Variants in SORCS2 observed in about 807,000 individuals in gnomAD.
SORCS2 encodes sortilin related VPS10 domain containing receptor 2.
SORCS2 carries 100 observed loss-of-function variants against 141.6 expected under a neutral mutation model. The ratio of observed to expected loss-of-function variants is 0.71; its 90% CI spans 0.60 to 0.83. The LOEUF (loss-of-function observed/expected upper bound fraction) is 0.83. SORCS2 is among the 40% of genes least tolerant of loss of function. The pLI is 0.00. For missense variants in SORCS2, 1,646 were observed against 1,560.2 expected (o/e 1.05, Z -0.93); for synonymous variants, 789 against 676.9 (o/e 1.17, Z -2.57).
At chr4:7,378,604 C>G (rs1317091546) in intron 1 of SORCS2, among the ~76,000 whole-genome samples, 17 of 152,202 alleles carry the variant, frequency 1.1e-4, no homozygotes, top group Admixed American at 1.1e-3. Flanking sequence ...TTATCTCCAC[C>G]TGGTCCCGCC....
intron 3 of SORCS2, among the ~76,000 whole-genome samples, chr4:7,586,963 A>C (rs1423151270): frequency 1.3e-5 from 2 of 151,860 alleles, no homozygotes; most frequent in Non-Finnish European, 2.9e-5. Flanking sequence ...TCTGTGTTGG[A>C]CTGTAGAGCT....
chr4:7,574,796 C>T (rs987736617), intron 3 of SORCS2, among the ~76,000 whole-genome samples: 1 of 152,330 alleles, frequency 6.6e-6, no homozygotes, highest in African/African-American at 2.4e-5. Context: ...CCTCATTCAT[C>T]TGAAAGATGC....
intron 1 of SORCS2, among the ~76,000 whole-genome samples, chr4:7,276,659 C>A (rs1157335131): frequency 6.6e-6 from 1 of 152,166 alleles, no homozygotes; most frequent in Non-Finnish European, 1.5e-5. Flanking sequence ...TTCCTAAAAC[C>A]ACTTCCCTGC....
intron 3 of SORCS2, among the ~76,000 whole-genome samples, chr4:7,600,138 C>G (rs1717561719): frequency 6.6e-6 from 1 of 152,076 alleles, no homozygotes; most frequent in Non-Finnish European, 1.5e-5. Context: ...AGTAGGTTTT[C>G]TAAAGGTTTA....
chr4:7,584,546 C>A (rs1388502288), intron 3 of SORCS2, among the ~76,000 whole-genome samples: 1 of 152,172 alleles, frequency 6.6e-6, no homozygotes, highest in African/African-American at 2.4e-5. Flanking sequence ...AAGGTCGCAC[C>A]ATGACAGAAA....
At position 7,261,498 on chromosome 4, in the gene SORCS2, A is replaced by G. The variant is rs1714319989; in HGVS notation, c.480+68372A>G. On this transcript the variant is annotated intron_variant, in intron 1 of 26. Coordinates refer to ENST00000507866, the MANE Select transcript of SORCS2 (RefSeq NM_020777.3). ...CATTTATTTCTCTGCCTTGCTGTTTACTCCTTCCTTTCTCTCCAGCCCAGA... is the reference window on the plus strand; with the variant it reads ...CATTTATTTCTCTGCCTTGCTGTTTGCTCCTTCCTTTCTCTCCAGCCCAGA... 2.0e-5 allele frequency among the ~76,000 whole-genome samples: 3 copies of G among 151,874 alleles called. No homozygotes were observed. In the South Asian group the frequency reaches 6.2e-4, roughly 31 times the overall value.
chr4:7,628,242 G>A (rs539539294), intron 3 of SORCS2, among the ~76,000 whole-genome samples: 34 of 152,188 alleles, frequency 2.2e-4, no homozygotes, highest in Non-Finnish European at 3.7e-4. Context: ...TAAAAGTTCG[G>A]CCAGGCGCGG....
chr4:7,645,252 G>A (rs1720997141), intron 4 of SORCS2, among the ~76,000 whole-genome samples: 1 of 152,150 alleles, frequency 6.6e-6, no homozygotes, highest in Non-Finnish European at 1.5e-5. Flanking sequence ...CAGAGAAAGG[G>A]CTAGAGGTGA....
At chr4:7,632,616 G>A (rs1157680987) in intron 3 of SORCS2, among the ~76,000 whole-genome samples, 2 of 152,172 alleles carry the variant, frequency 1.3e-5, no homozygotes, top group Non-Finnish European at 2.9e-5. Flanking sequence ...CACCTGCAAA[G>A]CCCAGGGCCT....
chr4:7,349,771 G>A (rs913381000), intron 1 of SORCS2, among the ~76,000 whole-genome samples: 1 of 152,198 alleles, frequency 6.6e-6, no homozygotes, highest in Admixed American at 6.5e-5. Flanking sequence ...CAGTGCATGG[G>A]CCGGAGAACT....
chr4:7,340,096 A>G (rs1720276439), intron 1 of SORCS2, among the ~76,000 whole-genome samples: 1 of 152,216 alleles, frequency 6.6e-6, no homozygotes, highest in South Asian at 2.1e-4. Flanking sequence ...CATGTTCAGG[A>G]CCCAGAAGGG....
At chr4:7,642,516 A>G (rs1720815699) in intron 4 of SORCS2, among the ~76,000 whole-genome samples, 1 of 152,214 alleles carries the variant, frequency 6.6e-6, no homozygotes, top group Non-Finnish European at 1.5e-5. Flanking sequence ...ATTAATAACA[A>G]TGACAAGAGG....
chr4:7,665,261 G>A (rs909856925), intron 7 of SORCS2, among the ~76,000 whole-genome samples: 3 of 152,136 alleles, frequency 2.0e-5, no homozygotes, highest in Non-Finnish European at 4.4e-5. Flanking sequence ...TCTACACTCA[G>A]TCTGTGCCAA....
At chr4:7,341,327 G>C (rs757451441) in intron 1 of SORCS2, among the ~76,000 whole-genome samples, 9 of 152,194 alleles carry the variant, frequency 5.9e-5, no homozygotes, top group Non-Finnish European at 1.2e-4. Context: ...CCTGTTCAAG[G>C]CCCAGCTCTA....
rs1560115080 is a variant in SORCS2 at position 7,724,918 on chromosome 4, A to AGTT, written c.2612-236_2612-235insGTT. On this transcript the variant is annotated intron_variant, in intron 19 of 26. Transcript: ENST00000507866. ...TGATGGTGGTGATAGTATTGGTGGG[A>AGTT]ATGGATGGTGGTAGTAGTGGTGATG... 7.7e-3 allele frequency among the ~76,000 whole-genome samples: 213 copies of AGTT among 27,668 alleles called. 23 individuals are homozygous for AGTT. The highest frequency in any genetic ancestry group is 0.02 in the East Asian group (16 of 794). 18.2% of individuals were successfully genotyped at this position (27,668 alleles called of 152,430 possible). A position where few individuals can be genotyped will look rare whatever the true frequency, so the allele number is the denominator to read the frequency against.
chr4:7,427,858 C>G (rs540780533), intron 2 of SORCS2, among the ~76,000 whole-genome samples: 5 of 149,736 alleles, frequency 3.3e-5, no homozygotes, highest in African/African-American at 4.9e-5. Context: ...CCCGCCCCCC[C>G]GCACCAGGCC....
At chr4:7,640,099 G>C (rs898228482) in intron 4 of SORCS2, among the ~76,000 whole-genome samples, 2 of 151,888 alleles carry the variant, frequency 1.3e-5, no homozygotes, top group Admixed American at 1.3e-4. Flanking sequence ...GTGTGTGCTT[G>C]TAGGTGTGTG....
intron 2 of SORCS2, chr4:7,433,369 T>TTGCACAGC: frequency 6.8e-7 from 1 of 1,464,428 alleles, no homozygotes; most frequent in Admixed American, 2.7e-5. Flanking sequence ...CTTCTGGCAG[T>TTGCACAGC]GTTGCACAGC....
chr4:7,562,559 T>C (rs1180332571), intron 3 of SORCS2, among the ~76,000 whole-genome samples: 2 of 152,236 alleles, frequency 1.3e-5, no homozygotes, highest in Non-Finnish European at 2.9e-5. Flanking sequence ...TTGCATGTTC[T>C]ACTTGGTTTT....
Sources: allele counts gnomAD v4.1 joint callset (sites outside exome capture counted in the v4.1 genomes callset), GRCh38; gene constraint gnomAD v4.1.1; transcripts MANE v1.5; gene names NCBI Gene and HGNC (gene_info 2026-07-23, HGNC 2026-07-21).